Variants in ADIPOR2 observed in about 807,000 individuals in gnomAD.
The protein encoded by ADIPOR2 is adiponectin receptor protein 2.
A neutral mutation model predicts 40.9 loss-of-function variants in ADIPOR2; 18 were observed. That is an observed-to-expected ratio of 0.44 (90% CI 0.30 to 0.65). The LOEUF is 0.65. Among genes scored for constraint, ADIPOR2 ranks in the 30% least tolerant of loss-of-function variants. The pLI, the probability that ADIPOR2 is intolerant of heterozygous loss-of-function variation, is 0.09. For synonymous variants in ADIPOR2, 165 were observed against 166.4 expected (o/e 0.99, Z 0.06); for missense variants, 283 against 479.2 (o/e 0.59, Z 3.82).
intron 1 of ADIPOR2, among the ~76,000 whole-genome samples, chr12:1,745,417 G>A (rs1322608551): frequency 1.3e-5 from 2 of 152,136 alleles, no homozygotes; most frequent in Admixed American, 1.3e-4. Context: ...CAGAAAGTTT[G>A]TTCAACTTAA....
At chr12:1,777,059 A>G (rs7136278) in intron 3 of ADIPOR2, among the ~76,000 whole-genome samples, 148,259 of 152,250 alleles carry the variant, frequency 0.97, 72,308 homozygotes, top group Non-Finnish European at 1. Flanking sequence ...TCATATTTGC[A>G]TAGTGGGAAG....
chr12:1,783,236 G>A (rs1315082311), intron 6 of ADIPOR2, among the ~76,000 whole-genome samples: 1 of 151,968 alleles, frequency 6.6e-6, no homozygotes, highest in Non-Finnish European at 1.5e-5. Flanking sequence ...GATGGGATAC[G>A]TAAAATTGCT....
At position 1,731,797 on chromosome 12, in the gene ADIPOR2, T is replaced by G. The variant is rs538799431; in HGVS notation, c.-86-22461T>G. On this transcript the variant is annotated intron_variant, in intron 1 of 7. Transcript: ENST00000357103. ...CAACATGGTGAAACCCTGTCTTTAC[T>G]AAAAATACAAAAATTAGCCGGGCGT... is the stretch of plus-strand genomic sequence containing the variant. Among the ~76,000 whole-genome samples, 33 of 152,230 alleles carry G rather than the reference T, an allele frequency of 2.2e-4. No homozygotes were observed. In the South Asian group the frequency reaches 4.6e-3, roughly 21 times the overall value.
intron 1 of ADIPOR2, among the ~76,000 whole-genome samples, chr12:1,733,551 AATAC>A (rs1334977787): frequency 6.6e-6 from 1 of 152,160 alleles, no homozygotes; most frequent in African/African-American, 2.4e-5. Flanking sequence ...GTATCTTTTG[AATAC>A]ATACATTTAC....
At chr12:1,733,194 A>G (rs1314627391) in intron 1 of ADIPOR2, among the ~76,000 whole-genome samples, 1 of 152,190 alleles carries the variant, frequency 6.6e-6, no homozygotes, top group East Asian at 1.9e-4. Flanking sequence ...TTTGTTCAAA[A>G]ATCACTGTTT....
At chr12:1,702,006 C>T (rs995563411) in intron 1 of ADIPOR2, among the ~76,000 whole-genome samples, 16 of 152,102 alleles carry the variant, frequency 1.1e-4, no homozygotes, top group African/African-American at 3.9e-4. Context: ...CCTGTAATCC[C>T]AGCTACTCAG....
chr12:1,777,863 G>T lies in ADIPOR2; in HGVS notation c.301G>T (p.Gly101Cys), dbSNP rs1417150242. Reference protein sequence around the residue: ...MEEFVCKVWEGRWRVIPHDVL... With the variant: ...MEEFVCKVWECRWRVIPHDVL... Reference sequence around the variant, plus strand: ...AATACCTCTCTGCCAGGTATGGGAAGGTCGGTGGCGAGTGATCCCTCATGA... The same window carrying T: ...AATACCTCTCTGCCAGGTATGGGAATGTCGGTGGCGAGTGATCCCTCATGA... The change falls in exon 4 of 8, where the codon GGT becomes TGT. Residue 101 changes from glycine to cysteine, a missense_variant. Physicochemically the swap from Gly to Cys is radical, Grantham distance 159. Transcript: ENST00000357103. 1 of 1,610,012 alleles carries T rather than the reference G, an allele frequency of 6.2e-7. No individual in the cohort carries two copies. Among genetic ancestry groups the T allele is most frequent in the Non-Finnish European group, 8.5e-7 (1 of 1,178,452 alleles).
chr12:1,704,000 G>A (rs1004045605), intron 1 of ADIPOR2, among the ~76,000 whole-genome samples: 10 of 136,920 alleles, frequency 7.3e-5, no homozygotes, highest in Non-Finnish European at 1.1e-4. Flanking sequence ...GATGTGAACC[G>A]CTATGCCCCC....
intron 1 of ADIPOR2, among the ~76,000 whole-genome samples, chr12:1,722,666 C>A (rs568831817): frequency 6.6e-6 from 1 of 152,328 alleles, no homozygotes; most frequent in South Asian, 2.1e-4. Context: ...GTTGTGACCA[C>A]AAGTAAGGCC....
In ADIPOR2 at chr12:1,761,136, T is replaced by C. The variant is rs377594219; in HGVS notation, c.171+6622T>C. Among the ~76,000 whole-genome samples the C allele has an allele frequency of 3.9e-5, 6 of 152,294 alleles. No homozygotes were observed. The East Asian group carries it at 9.6e-4, about 24-fold the overall frequency. On this transcript the variant is annotated intron_variant, in intron 2 of 7. Coordinates refer to ENST00000357103, the MANE Select transcript of ADIPOR2 (RefSeq NM_024551.3). ...AATTAAACTATGTTATAGGTATGTA[T>C]ATATAGGAAAAAACACAGCATATAT...
At chr12:1,727,495 T>G (rs1441642794) in intron 1 of ADIPOR2, among the ~76,000 whole-genome samples, 1 of 152,192 alleles carries the variant, frequency 6.6e-6, no homozygotes, top group Non-Finnish European at 1.5e-5. Context: ...CTTTATTAAT[T>G]AAAGACCTCT....
Position 1,752,523 on chromosome 12 carries a change from T to G in ADIPOR2, c.-86-1735T>G, listed in dbSNP as rs78881847. On this transcript the variant is annotated intron_variant, in intron 1 of 7. Coordinates refer to ENST00000357103, the MANE Select transcript of ADIPOR2 (RefSeq NM_024551.3). Reference sequence around the variant, plus strand: ...CCAACTACATTTAGGGTTCATTTTCTTATCTTTTACTCACCCCAGTCTTAA... The same window carrying G: ...CCAACTACATTTAGGGTTCATTTTCGTATCTTTTACTCACCCCAGTCTTAA... 8.9e-4 allele frequency among the ~76,000 whole-genome samples: 136 copies of G among 152,300 alleles called. 1 individual carries two copies. The East Asian group carries it at 0.024, about 27-fold the overall frequency.
chr12:1,723,736 A>G (rs966606452), intron 1 of ADIPOR2, among the ~76,000 whole-genome samples: 2 of 152,130 alleles, frequency 1.3e-5, no homozygotes, highest in South Asian at 2.1e-4. Context: ...TACAAACTAT[A>G]TCATTCCAAA....
intron 5 of ADIPOR2, 122 bp downstream of exon 5, chr12:1,780,759 A>AAG: frequency 2.9e-6 from 4 of 1,374,740 alleles, no homozygotes; most frequent in Non-Finnish European, 3.9e-6. Context: ...TTTTTTTAAA[A>AAG]ATTAAAGAGC....
chr12:1,718,014 A>G (rs2094691022), intron 1 of ADIPOR2, among the ~76,000 whole-genome samples: 1 of 152,148 alleles, frequency 6.6e-6, no homozygotes, highest in African/African-American at 2.4e-5. Flanking sequence ...GTCAATATAT[A>G]GATTATAAGT....
intron 2 of ADIPOR2, among the ~76,000 whole-genome samples, chr12:1,760,497 C>G (rs919090300): frequency 6.6e-6 from 1 of 152,190 alleles, no homozygotes; most frequent in South Asian, 2.1e-4. Context: ...CTACCCCCAA[C>G]CCTAGGCAAC....
intron 2 of ADIPOR2, among the ~76,000 whole-genome samples, chr12:1,764,808 C>G (rs1862343205): frequency 6.6e-6 from 1 of 152,092 alleles, no homozygotes; most frequent in South Asian, 2.1e-4. Flanking sequence ...ACTCTTGTAT[C>G]TGGCTTCTTT....
chr12:1,748,897 C>T (rs148641615), intron 1 of ADIPOR2, among the ~76,000 whole-genome samples: 67 of 151,966 alleles, frequency 4.4e-4, no homozygotes, highest in Middle Eastern at 6.8e-3. Context: ...ACACTATCTC[C>T]GGGTCATTGG....
intron 1 of ADIPOR2, among the ~76,000 whole-genome samples, chr12:1,713,673 A>C (rs1373420013): frequency 3.3e-4 from 50 of 152,194 alleles, no homozygotes; most frequent in African/African-American, 1.2e-3. Context: ...CCTCCCTAAT[A>C]AGGGTATGGG....
Sources: allele counts gnomAD v4.1 joint callset (sites outside exome capture counted in the v4.1 genomes callset), GRCh38; gene constraint gnomAD v4.1.1; transcripts MANE v1.5; gene names NCBI Gene and HGNC (gene_info 2026-07-23, HGNC 2026-07-21).